The following PAPSS2 variants were observed in gnomAD, a reference collection of about 807,000 sequenced individuals.
The protein encoded by PAPSS2 is 3'-phosphoadenosine 5'-phosphosulfate synthase 2.
Under a neutral mutation model 66.5 loss-of-function variants are expected in PAPSS2, and 61 were observed. The observed-to-expected ratio is 0.92, with a 90% CI of 0.75 to 1.14. The LOEUF is 1.14. Ranked by LOEUF, PAPSS2 falls within the 50% of genes most tolerant of loss-of-function variation. The pLI is 0.00. For missense variants in PAPSS2, 708 were observed against 789.6 expected, an observed-to-expected ratio of 0.90 and a Z score of 1.24; for synonymous variants, 289 against 287.5, an observed-to-expected ratio of 1.01 and a Z score of -0.05.
chr10:87,694,317 A>G (rs1042554631), intron 1 of PAPSS2, among the ~76,000 whole-genome samples: 6 of 152,212 alleles, frequency 3.9e-5, no homozygotes, highest in Admixed American at 3.3e-4. Flanking sequence ...GGGGTTGACA[A>G]TGACATCTAA....
At chr10:87,676,011 C>T (rs914525792) in intron 1 of PAPSS2, among the ~76,000 whole-genome samples, 2 of 145,898 alleles carry the variant, frequency 1.4e-5, no homozygotes, top group African/African-American at 2.5e-5. Context: ...AGCCATTTCC[C>T]AGCCAGTGCA....
intron 9 of PAPSS2, among the ~76,000 whole-genome samples, chr10:87,733,388 G>A (rs1468248745): frequency 3.9e-5 from 6 of 152,250 alleles, no homozygotes; most frequent in African/African-American, 9.6e-5. Context: ...GTTGCCTTTC[G>A]TCCATGGCTC....
chr10:87,739,684 T>C (rs557778442), intron 9 of PAPSS2, among the ~76,000 whole-genome samples: 1 of 152,332 alleles, frequency 6.6e-6, no homozygotes, highest in African/African-American at 2.4e-5. Context: ...TCTTTGCCTT[T>C]TTCTCTGTGT....
Position 87,702,432 on chromosome 10 carries a change from C to T in PAPSS2, c.28-6764C>T, listed in dbSNP as rs145524704. 4.6e-3 allele frequency among the ~76,000 whole-genome samples: 693 copies of T among 152,266 alleles called. 1 individual carries two copies. The Middle Eastern group carries it at 0.065, about 14-fold the overall frequency. ...TTTGAGCAATAAATGAGATAATGCA[C>T]GTGGAAGTGGAGCTCCTACCATGGG... On this transcript the variant is annotated intron_variant, in intron 1 of 12. Transcript: ENST00000456849.
At chr10:87,699,926 TAGAGA>T (rs1853281882) in intron 1 of PAPSS2, among the ~76,000 whole-genome samples, 3 of 151,966 alleles carry the variant, frequency 2.0e-5, no homozygotes, top group South Asian at 4.2e-4. Flanking sequence ...AACTAGAATA[TAGAGA>T]AGAGAAGGAA....
chr10:87,730,780 A>T (rs1225159971), intron 9 of PAPSS2, among the ~76,000 whole-genome samples: 1 of 152,240 alleles, frequency 6.6e-6, no homozygotes, highest in Non-Finnish European at 1.5e-5. Flanking sequence ...AATTCAGAGC[A>T]AAGCCCTAAC....
intron 1 of PAPSS2, among the ~76,000 whole-genome samples, chr10:87,692,957 C>T (rs11202514): frequency 0.056 from 8,551 of 152,252 alleles, 802 homozygotes; most frequent in African/African-American, 0.19. Context: ...ACACCTTACA[C>T]GTGGTAATTC....
Position 87,709,284 on chromosome 10 carries a change from G to T in PAPSS2, c.116G>T (p.Gly39Val), listed in dbSNP as rs772189460. ...KRGQVVGTRG[G>V]FRGCTVWLTG... ...GGGCAAGTGGTTGGAACAAGGGGTG[G>T]GTTCCGAGGATGTACCGTGTGGCTA... Residue 39 changes from glycine to valine, a missense_variant, in exon 2 of 13, where the codon GGG becomes GTG. Coordinates refer to ENST00000456849, the MANE Select transcript of PAPSS2 (RefSeq NM_001015880.2). 25 of 1,611,212 alleles carry T rather than the reference G, an allele frequency of 1.6e-5. No individual in the cohort carries two copies. Among genetic ancestry groups the T allele is most frequent in the Non-Finnish European group, 2.0e-5 (24 of 1,177,842 alleles).
chr10:87,699,367 C>T (rs1273753501), intron 1 of PAPSS2, among the ~76,000 whole-genome samples: 2 of 152,244 alleles, frequency 1.3e-5, no homozygotes, highest in Non-Finnish European at 2.9e-5. Context: ...TGGCTCACTG[C>T]AGCCTCCTGG....
rs58521119 is a variant in PAPSS2 at position 87,738,417 on chromosome 10, ATGTG to A, written c.1087-2798_1087-2795del. Among the ~76,000 whole-genome samples the A allele has an allele frequency of 1.1e-4, 10 of 94,106 alleles. No individual in the cohort carries two copies. The South Asian group carries it at 1.2e-3, about 12-fold the overall frequency. The allele number at this position is 94,106 out of a possible 152,430, so 61.7% of individuals were successfully genotyped here. A position where few individuals can be genotyped will look rare whatever the true frequency, so the allele number is the denominator to read the frequency against. On this transcript the variant is annotated intron_variant, in intron 9 of 12. Transcript: ENST00000456849. ...TTTTTTTTCTTTTCTGTGTGTGTGT[ATGTG>A]TGTGTGTGTGTGTGTGTGTCTCTGT...
chr10:87,682,684 G>A (rs1193860938), intron 1 of PAPSS2, among the ~76,000 whole-genome samples: 1 of 152,190 alleles, frequency 6.6e-6, no homozygotes, highest in Non-Finnish European at 1.5e-5. Context: ...TGAAGATGCT[G>A]CTGACAGTAG....
intron 1 of PAPSS2, 93 bp from the exon 2 acceptor site, chr10:87,709,103 C>T: frequency 1.2e-6 from 1 of 813,114 alleles, no homozygotes; most frequent in Non-Finnish European, 2.1e-6. Context: ...ATCAGTTTCG[C>T]AATTAAAAGT....
At chr10:87,702,383 G>T (rs1011270469) in intron 1 of PAPSS2, among the ~76,000 whole-genome samples, 1 of 152,180 alleles carries the variant, frequency 6.6e-6, no homozygotes, top group African/African-American at 2.4e-5. Flanking sequence ...GGATCACAAT[G>T]CTCAGTCTCT....
chr10:87,745,283 T>C, intron 12 of PAPSS2, 52 bp downstream of exon 12: 1 of 1,441,244 alleles, frequency 6.9e-7, no homozygotes, highest in Non-Finnish European at 9.6e-7. Context: ...AAAGAAATGA[T>C]GAGGCAGAAT....
At chr10:87,689,014 A>G (rs1262675180) in intron 1 of PAPSS2, among the ~76,000 whole-genome samples, 1 of 152,054 alleles carries the variant, frequency 6.6e-6, no homozygotes, top group African/African-American at 2.4e-5. Context: ...CAGAAACAAC[A>G]TTATTCACAA....
chr10:87,683,059 TTTTTTTTC>T (rs1160517898), intron 1 of PAPSS2, among the ~76,000 whole-genome samples: 368 of 151,448 alleles, frequency 2.4e-3, no homozygotes, highest in African/African-American at 8.3e-3. Context: ...TTTCTTTTTC[TTTTTTTTC>T]TTTTTTTCTT....
intron 1 of PAPSS2, among the ~76,000 whole-genome samples, chr10:87,670,958 G>A (rs965208335): frequency 2.6e-5 from 4 of 152,142 alleles, no homozygotes; most frequent in Non-Finnish European, 5.9e-5. Context: ...GGCACCTTGT[G>A]TACCCAACAG....
intron 1 of PAPSS2, among the ~76,000 whole-genome samples, chr10:87,693,217 A>G (rs1853192663): frequency 6.6e-6 from 1 of 152,218 alleles, no homozygotes; most frequent in Non-Finnish European, 1.5e-5. Flanking sequence ...AATATCACAC[A>G]TAAAATGAGG....
rs72025574 is a variant in PAPSS2, at chr10:87,709,326, CATAT to C, written c.145+29_145+32del. 0.44 allele frequency: 508,062 copies of C among 1,153,434 alleles called. 99,616 individuals carry two copies. Among genetic ancestry groups the C allele is most frequent in the East Asian group, 0.71 (27,903 of 39,176 alleles). The allele number at this position is 1,153,434 out of a possible 1,614,324, so 71.4% of individuals were successfully genotyped here. On this transcript the variant is annotated intron_variant, in intron 2 of 12. Coordinates refer to ENST00000456849, the MANE Select transcript of PAPSS2 (RefSeq NM_001015880.2). ...GTGTGGCTAACAGGTATGTCATGTT[CATAT>C]ATATATATATATATACAAATTGCAA... is the stretch of plus-strand genomic sequence containing the variant.
Sources: allele counts gnomAD v4.1 joint callset (sites outside exome capture counted in the v4.1 genomes callset), GRCh38; gene constraint gnomAD v4.1.1; transcripts MANE v1.5; gene names NCBI Gene and HGNC (gene_info 2026-07-23, HGNC 2026-07-21).